HRH2: variants seen among roughly 807,000 people sequenced by gnomAD.
The protein encoded by HRH2 is histamine H2 receptor.
Under a neutral mutation model 20.1 loss-of-function variants are expected in HRH2, and 4 were observed. The ratio of observed to expected loss-of-function variants is 0.20; its 90% CI spans 0.10 to 0.45. HRH2 has a LOEUF of 0.45. Ranked by LOEUF, HRH2 falls within the 20% of genes least tolerant of loss-of-function variation. HRH2 has a pLI of 0.99. For synonymous variants in HRH2, 197 were observed against 200.7 expected (o/e 0.98, Z 0.16); for missense variants, 250 against 461.6 (o/e 0.54, Z 4.20).
intron 1 of HRH2, among the ~76,000 whole-genome samples, chr5:175,663,229 G>A (rs868145954): frequency 2.6e-5 from 4 of 152,156 alleles, no homozygotes; most frequent in Non-Finnish European, 4.4e-5. Context: ...TTGACTTGGC[G>A]CCTGTTTGAG....
intron 2 of HRH2, among the ~76,000 whole-genome samples, chr5:175,684,846 G>A (rs1756113738): frequency 1.3e-5 from 2 of 152,148 alleles, no homozygotes; most frequent in Admixed American, 1.3e-4. Context: ...GGCCAGTGGA[G>A]TCAGAAAGGT....
chr5:175,691,447 C>CCCCTG (rs966578338), intron 2 of HRH2: 1 of 139,178 alleles, frequency 7.2e-6, no homozygotes, highest in Non-Finnish European at 1.6e-5. Context: ...TCCTTCCTCT[C>CCCCTG]CCCTGCCCTG....
rs945341701 is a variant in HRH2, at chr5:175,699,509, T to G, written c.1077-8270T>G. On this transcript the variant is annotated intron_variant, in intron 2 of 2. Transcript: ENST00000636584. Reference sequence around the variant, plus strand: ...CTCTCAGTCTGGGGTTTCTTGTGTGTTGTTCAGTACAGGATCAGCCCAGAG... The same window carrying G: ...CTCTCAGTCTGGGGTTTCTTGTGTGGTGTTCAGTACAGGATCAGCCCAGAG... Among the ~76,000 whole-genome samples, 4 of 152,170 alleles carry G rather than the reference T, an allele frequency of 2.6e-5. No individual in the cohort carries two copies. The East Asian group carries it at 5.8e-4, about 22-fold the overall frequency.
Position 175,681,402 on chromosome 5 carries a change from T to G in HRH2, c.-525-1307T>G, listed in dbSNP as rs1300316618. Among the ~76,000 whole-genome samples, 1 of 152,196 alleles carries G rather than the reference T, an allele frequency of 6.6e-6. No individual in the cohort carries two copies. Among genetic ancestry groups the G allele is most frequent in the Non-Finnish European group, 1.5e-5 (1 of 68,036 alleles). ...GGCTTAATTTATGTTTTATGGAGAT[T>G]AGCTTGCTTCTGAGAGGGGGTTCCG... On this transcript the variant is annotated intron_variant, in intron 1 of 2. Transcript: ENST00000636584. The surrounding 1 kb of genome is among the most constrained non-coding windows in gnomAD (Gnocchi z 4.3).
rs1333989457 is a variant in HRH2, at chr5:175,682,854, G to A, written c.-380G>A. 1 of 217,672 alleles carries A rather than the reference G, an allele frequency of 4.6e-6. No individual in the cohort carries two copies. The highest frequency in any genetic ancestry group is 8.5e-5 in the South Asian group (1 of 11,772). The allele number at this position is 217,672 out of a possible 1,614,324, so 13.5% of individuals were successfully genotyped here. A position where few individuals can be genotyped will look rare whatever the true frequency, so the allele number is the denominator to read the frequency against. Reference sequence around the variant, plus strand: ...ATGACACCAAAGCCACCGCCAGACAGTGCCTCGGATTCTATGCAAAACCTG... The same window carrying A: ...ATGACACCAAAGCCACCGCCAGACAATGCCTCGGATTCTATGCAAAACCTG... On this transcript the variant is annotated 5_prime_UTR_variant, in exon 2 of 3. The change creates a new upstream start codon in the 5' untranslated region. Transcript: ENST00000636584.
At chr5:175,673,564 G>A (rs1420085437) in intron 1 of HRH2, among the ~76,000 whole-genome samples, 15 of 152,194 alleles carry the variant, frequency 9.9e-5, no homozygotes. Context: ...AACAAGGACT[G>A]CTTCTGGGGT....
intron 1 of HRH2, among the ~76,000 whole-genome samples, chr5:175,678,454 C>T (rs543652401): frequency 6.6e-6 from 1 of 152,336 alleles, no homozygotes; most frequent in South Asian, 2.1e-4. Flanking sequence ...AAAACTGAGG[C>T]TCAGAGAGTT....
chr5:175,666,214 G>T (rs1762887102), intron 1 of HRH2, among the ~76,000 whole-genome samples: 1 of 152,200 alleles, frequency 6.6e-6, no homozygotes, highest in Non-Finnish European at 1.5e-5. Context: ...CTGAGCCAGT[G>T]TGGGAGTTTC....
At chr5:175,706,922 C>T (rs1038111926) in intron 2 of HRH2, among the ~76,000 whole-genome samples, 10 of 152,136 alleles carry the variant, frequency 6.6e-5, no homozygotes, top group Non-Finnish European at 1.2e-4. Context: ...CCTTGGTGGC[C>T]GAGGTGTTCA....
chr5:175,698,013 C>G (rs760378862), intron 2 of HRH2, among the ~76,000 whole-genome samples: 13 of 152,232 alleles, frequency 8.5e-5, no homozygotes, highest in Non-Finnish European at 1.9e-4. Flanking sequence ...GCATGCCCAC[C>G]CACACTCACA....
intron 2 of HRH2, among the ~76,000 whole-genome samples, chr5:175,692,511 C>T (rs1756422561): frequency 2.0e-5 from 3 of 152,192 alleles, no homozygotes; most frequent in Non-Finnish European, 4.4e-5. Flanking sequence ...GATAAAAATG[C>T]CTCCCTGAGA....
intron 1 of HRH2, among the ~76,000 whole-genome samples, chr5:175,679,191 A>C (rs1294651916): frequency 6.6e-6 from 1 of 152,208 alleles, no homozygotes; most frequent in East Asian, 1.9e-4. Flanking sequence ...ACCACAATTC[A>C]GTTCCCGGGG....
chr5:175,670,453 G>A (rs1391659714), intron 1 of HRH2, among the ~76,000 whole-genome samples: 2 of 152,170 alleles, frequency 1.3e-5, no homozygotes, highest in East Asian at 3.9e-4. Context: ...TTGAAACTAG[G>A]GGAGACACAT....
At chr5:175,697,097 T>C (rs1353570569) in intron 2 of HRH2, among the ~76,000 whole-genome samples, 1 of 151,986 alleles carries the variant, frequency 6.6e-6, no homozygotes, top group Non-Finnish European at 1.5e-5. Flanking sequence ...GGGTGAGGGG[T>C]CCCAGGCTGA....
At chr5:175,676,004 G>A (rs909227658) in intron 1 of HRH2, among the ~76,000 whole-genome samples, 22 of 152,106 alleles carry the variant, frequency 1.4e-4, no homozygotes, top group African/African-American at 4.8e-4. Flanking sequence ...GCGTGGGTAC[G>A]CACACGTGTG....
At chr5:175,664,544 C>A (rs1035743368) in intron 1 of HRH2, among the ~76,000 whole-genome samples, 5 of 152,128 alleles carry the variant, frequency 3.3e-5, no homozygotes, top group African/African-American at 4.8e-5. Context: ...ACCTGAGACC[C>A]CAGGGCAGTG....
chr5:175,661,404 A>G (rs1414005735), intron 1 of HRH2, among the ~76,000 whole-genome samples: 1 of 152,186 alleles, frequency 6.6e-6, no homozygotes, highest in South Asian at 2.1e-4. Flanking sequence ...AATATCAATA[A>G]TATCTGTTGT....
chr5:175,680,778 G>A (rs1040895270), intron 1 of HRH2, among the ~76,000 whole-genome samples: 1 of 152,118 alleles, frequency 6.6e-6, no homozygotes, highest in African/African-American at 2.4e-5. Flanking sequence ...ACGGGAGCTG[G>A]GCTTTAAATA....
rs1455980777 is a variant in HRH2, at chr5:175,683,083, C to G, written c.-151C>G. ...AGTCAGTCATTGAAGCCTTCCCCAC[C>G]CCCTGGCCAAAAAAAAAAAAAAAAA... On this transcript the variant is annotated 5_prime_UTR_variant, in exon 2 of 3. Coordinates refer to ENST00000636584, the MANE Select transcript of HRH2 (RefSeq NM_001367711.1). 29 of 951,432 alleles carry G rather than the reference C, an allele frequency of 3.0e-5. No individual in the cohort carries two copies. The highest frequency in any genetic ancestry group is 4.3e-5 in the Non-Finnish European group (28 of 653,186). 58.9% of individuals were successfully genotyped at this position (951,432 alleles called of 1,614,324 possible). A position where few individuals can be genotyped will look rare whatever the true frequency, so the allele number is the denominator to read the frequency against.
Sources: gnomAD v4.1 joint callset for allele counts (sites outside exome capture counted in the v4.1 genomes callset) on GRCh38, gnomAD v4.1.1 for gene constraint, Gnocchi (gnomAD v3.1) non-coding constraint, MANE v1.5 for transcripts, NCBI Gene and HGNC (gene_info 2026-07-23, HGNC 2026-07-21) for gene names.